The following B3GALNT2 variants were observed in gnomAD, a reference collection of about 807,000 sequenced individuals.
B3GALNT2 encodes UDP-GalNAc:beta-1,3-N-acetylgalactosaminyltransferase 2.
Under a neutral mutation model 61.1 loss-of-function variants are expected in B3GALNT2, and 53 were observed. The observed-to-expected ratio is 0.87, with a 90% CI of 0.70 to 1.09. B3GALNT2 has a LOEUF of 1.09. B3GALNT2 is among the 50% of genes least tolerant of loss of function. The probability of loss-of-function intolerance (pLI) is 0.00; values close to 1 mark genes in which losing one functional copy is unlikely to be tolerated. For synonymous variants in B3GALNT2, 223 were observed against 237.4 expected (o/e 0.94, Z 0.56); for missense variants, 544 against 623.0 (o/e 0.87, Z 1.35).
intron 3 of B3GALNT2, among the ~76,000 whole-genome samples, chr1:235,485,863 T>C (rs1048752916): frequency 3.3e-5 from 5 of 152,192 alleles, no homozygotes; most frequent in African/African-American, 1.2e-4. Context: ...TTAATAAAGA[T>C]TGTATTTTCT....
chr1:235,453,571 A>G (rs1683028148), intron 10 of B3GALNT2, among the ~76,000 whole-genome samples: 1 of 151,808 alleles, frequency 6.6e-6, no homozygotes, highest in Non-Finnish European at 1.5e-5. Flanking sequence ...TCTCCTCCTC[A>G]GCCTCCCAAG....
chr1:235,488,079 CTTTTAA>C (rs1017222020), intron 3 of B3GALNT2, among the ~76,000 whole-genome samples: 1 of 152,130 alleles, frequency 6.6e-6, no homozygotes, highest in African/African-American at 2.4e-5. Flanking sequence ...TTTTTACAAA[CTTTTAA>C]TTTTAAGGCA....
chr1:235,494,663 A>G lies in B3GALNT2; in HGVS notation c.260+18T>C, dbSNP rs1483079919. ...TTATTTCAATAAACCAGGCAAGGCA[A>G]CAACTCAGAAAACCTACCGTTGACT... On this transcript the variant is annotated intron_variant, in intron 2 of 11. Transcript: ENST00000366600. 6.2e-7 allele frequency: 1 copy of G among 1,605,748 alleles called. No individual in the cohort carries two copies. The highest frequency in any genetic ancestry group is 1.7e-5 in the Admixed American group (1 of 59,452).
chr1:235,491,504 T>G (rs1685065060), intron 2 of B3GALNT2, among the ~76,000 whole-genome samples: 1 of 152,222 alleles, frequency 6.6e-6, no homozygotes, highest in African/African-American at 2.4e-5. Flanking sequence ...CTACTGCCTG[T>G]AGGAACCTCA....
At chr1:235,454,861 TAGA>T (rs947022254) in intron 9 of B3GALNT2, among the ~76,000 whole-genome samples, 1 of 152,232 alleles carries the variant, frequency 6.6e-6, no homozygotes, top group African/African-American at 2.4e-5. Flanking sequence ...TGAAAAGCAC[TAGA>T]AGATCACCCT....
At position 235,495,297 on chromosome 1, in the gene B3GALNT2, T is replaced by C. The variant is rs533010892; in HGVS notation, c.113-469A>G. On this transcript the variant is annotated intron_variant, in intron 1 of 11. Transcript: ENST00000366600. ...TGTAAAAATTAAATGAGATAACATGTATAAAGCTCTTGGTTTGGTATTAGG... is the reference window on the plus strand; with the variant it reads ...TGTAAAAATTAAATGAGATAACATGCATAAAGCTCTTGGTTTGGTATTAGG... Among the ~76,000 whole-genome samples, 9 of 152,312 alleles carry C rather than the reference T, an allele frequency of 5.9e-5. No homozygotes were observed. The East Asian group carries it at 1.7e-3, about 29-fold the overall frequency.
At position 235,457,481 on chromosome 1, in the gene B3GALNT2, A is replaced by G. The variant is rs926533243; in HGVS notation, c.1025+1122T>C. Among the ~76,000 whole-genome samples the G allele has an allele frequency of 3.9e-5, 6 of 152,148 alleles. No homozygotes were observed. The East Asian group carries it at 5.8e-4, about 15-fold the overall frequency. ...AGAGTAACTAATAATTCTAATAACT[A>G]TACGTTAAGATTATATAGATATATA... On this transcript the variant is annotated intron_variant, in intron 8 of 11. Coordinates refer to ENST00000366600, the MANE Select transcript of B3GALNT2 (RefSeq NM_152490.5).
chr1:235,487,085 T>C (rs911144669), intron 3 of B3GALNT2, among the ~76,000 whole-genome samples: 1 of 149,936 alleles, frequency 6.7e-6, no homozygotes, highest in Non-Finnish European at 1.5e-5. Flanking sequence ...CGCTTGAACC[T>C]GGGAGGTGGA....
At chr1:235,459,506 C>G (rs1018540454) in intron 7 of B3GALNT2, among the ~76,000 whole-genome samples, 1 of 151,994 alleles carries the variant, frequency 6.6e-6, no homozygotes, top group Non-Finnish European at 1.5e-5. Context: ...GCCTCTGGTC[C>G]CAGCTTCTTG....
chr1:235,497,290 G>A (rs775922114), intron 1 of B3GALNT2, among the ~76,000 whole-genome samples: 4 of 152,122 alleles, frequency 2.6e-5, no homozygotes, highest in Admixed American at 6.5e-5. Context: ...GCAAAACAAA[G>A]GTAGTGACCA....
At chr1:235,483,760 T>C (rs540408385) in intron 4 of B3GALNT2, among the ~76,000 whole-genome samples, 16 of 152,346 alleles carry the variant, frequency 1.1e-4, no homozygotes, top group Non-Finnish European at 1.0e-4. Flanking sequence ...GTTTTCTTCA[T>C]GTTTAAAACT....
At chr1:235,462,602 C>A (rs879615189) in intron 7 of B3GALNT2, among the ~76,000 whole-genome samples, 6 of 152,170 alleles carry the variant, frequency 3.9e-5, no homozygotes, top group Non-Finnish European at 7.4e-5. Context: ...ATTAGAAAAA[C>A]AATTCCACTT....
Position 235,449,987 on chromosome 1 carries a change from AG to A in B3GALNT2, c.*218del. The A allele has an allele frequency of 2.4e-6, 1 of 413,578 alleles. No homozygotes were observed. The highest frequency in any genetic ancestry group is 4.0e-5 in the Admixed American group (1 of 24,836). 25.6% of individuals were successfully genotyped at this position (413,578 alleles called of 1,614,324 possible). ...GGTATTTTTCTGATAATCTTCCAAT[AG>A]ATAAATAAAAACTTTTCTTATGCTA... On this transcript the variant is annotated 3_prime_UTR_variant, in exon 12 of 12. Coordinates refer to ENST00000366600, the MANE Select transcript of B3GALNT2 (RefSeq NM_152490.5).
chr1:235,468,501 G>A (rs1037174460), intron 6 of B3GALNT2, among the ~76,000 whole-genome samples: 2 of 145,126 alleles, frequency 1.4e-5, no homozygotes, highest in Admixed American at 1.4e-4. Flanking sequence ...TAGCCAGGCT[G>A]GAGTGCAGTG....
intron 6 of B3GALNT2, among the ~76,000 whole-genome samples, chr1:235,466,203 A>C (rs1469596223): frequency 6.6e-6 from 1 of 150,664 alleles, no homozygotes; most frequent in Non-Finnish European, 1.5e-5. Flanking sequence ...TGATTAAAAA[A>C]AAATTTTTTT....
chr1:235,486,753 T>G (rs1684826456), intron 3 of B3GALNT2, among the ~76,000 whole-genome samples: 1 of 152,214 alleles, frequency 6.6e-6, no homozygotes, highest in African/African-American at 2.4e-5. Flanking sequence ...AAAATATGGT[T>G]AATTTAAAAG....
chr1:235,456,900 G>C (rs1383394352), intron 8 of B3GALNT2, among the ~76,000 whole-genome samples: 1 of 152,072 alleles, frequency 6.6e-6, no homozygotes, highest in African/African-American at 2.4e-5. Context: ...TTAAAAGGAG[G>C]TTCTTTTTCT....
intron 6 of B3GALNT2, among the ~76,000 whole-genome samples, chr1:235,469,369 C>T (rs1683877415): frequency 6.6e-6 from 1 of 152,056 alleles, no homozygotes; most frequent in Non-Finnish European, 1.5e-5. Context: ...CCGTACAGAC[C>T]GTTTGTTTAC....
rs542175621 is a variant in B3GALNT2 at position 235,504,263 on chromosome 1, C to T, written c.-11G>A. 4 of 1,486,494 alleles carry T rather than the reference C, an allele frequency of 2.7e-6. No individual in the cohort carries two copies. The highest frequency in any genetic ancestry group is 2.9e-5 in the East Asian group (1 of 34,066). 92.1% of individuals were successfully genotyped at this position (1,486,494 alleles called of 1,614,324 possible). On this transcript the variant is annotated 5_prime_UTR_variant, in exon 1 of 12. Coordinates refer to ENST00000366600, the MANE Select transcript of B3GALNT2 (RefSeq NM_152490.5). ...CAGCCAGTTTCGCATTGGCCGCCCC[C>T]GCCGCGAGCCGGGCTCTCCCGCGTC...
Sources: allele counts gnomAD v4.1 joint callset (sites outside exome capture counted in the v4.1 genomes callset), GRCh38; gene constraint gnomAD v4.1.1; transcripts MANE v1.5; gene names NCBI Gene and HGNC (gene_info 2026-07-23, HGNC 2026-07-21).